The following AUTS2 variants were observed in gnomAD, a reference collection of about 807,000 sequenced individuals.
The protein encoded by AUTS2 is autism susceptibility gene 2 protein.
A neutral mutation model predicts 112.4 loss-of-function variants in AUTS2; 17 were observed. That is an observed-to-expected ratio of 0.15 (90% CI 0.10 to 0.23). The LOEUF (loss-of-function observed/expected upper bound fraction) is 0.23. AUTS2 is among the 10% of genes least tolerant of loss of function. AUTS2 has a pLI of 1.00. For missense variants in AUTS2, 1,510 were observed against 1,701.6 expected (o/e 0.89, Z 1.98); for synonymous variants, 751 against 702.7 (o/e 1.07, Z -1.09).
At chr7:70,331,611 C>T (rs1790754608) in intron 4 of AUTS2, among the ~76,000 whole-genome samples, 1 of 151,406 alleles carries the variant, frequency 6.6e-6, no homozygotes, top group African/African-American at 2.4e-5. Flanking sequence ...ACATAAAAAG[C>T]TTATCCACCA....
intron 5 of AUTS2, among the ~76,000 whole-genome samples, chr7:70,667,790 A>G (rs1217788456): frequency 6.6e-6 from 1 of 152,244 alleles, no homozygotes; most frequent in Non-Finnish European, 1.5e-5. Context: ...CCAAATTTGT[A>G]AAATCTGAAT....
At chr7:70,307,509 G>A (rs1585000304) in intron 4 of AUTS2, among the ~76,000 whole-genome samples, 1 of 152,324 alleles carries the variant, frequency 6.6e-6, no homozygotes, top group East Asian at 1.9e-4. Context: ...TAGCTAGTGT[G>A]CTCACTAAAG....
rs187825258 is a variant in AUTS2, at chr7:70,182,144, T to C, written c.660+47573T>C. On this transcript the variant is annotated intron_variant, in intron 4 of 18. Transcript: ENST00000342771. ...ATAGTTTTAATCATTACTGTTATTGTCAAAAACATTCAAAGTCTCCCTGTT... is the reference window on the plus strand; with the variant it reads ...ATAGTTTTAATCATTACTGTTATTGCCAAAAACATTCAAAGTCTCCCTGTT... Among the ~76,000 whole-genome samples the C allele has an allele frequency of 2.6e-5, 4 of 152,286 alleles. No individual in the cohort carries two copies. In the East Asian group the frequency reaches 7.7e-4, roughly 29 times the overall value.
At chr7:70,664,192 A>G (rs1807216025) in intron 5 of AUTS2, among the ~76,000 whole-genome samples, 1 of 152,234 alleles carries the variant, frequency 6.6e-6, no homozygotes, top group Non-Finnish European at 1.5e-5. Context: ...TCTTTTCATC[A>G]TTCGAAACCT....
chr7:69,873,890 A>G (rs919314620), intron 1 of AUTS2, among the ~76,000 whole-genome samples: 16 of 152,234 alleles, frequency 1.1e-4, no homozygotes, highest in Non-Finnish European at 2.1e-4. Context: ...ATTGATACTT[A>G]ATACCTATCA....
At chr7:70,176,545 G>T (rs1450987333) in intron 4 of AUTS2, among the ~76,000 whole-genome samples, 1 of 152,142 alleles carries the variant, frequency 6.6e-6, no homozygotes, top group Non-Finnish European at 1.5e-5. Context: ...TGAATATTAG[G>T]AATAATTAAC....
At chr7:70,185,675 T>C (rs1809564418) in intron 4 of AUTS2, among the ~76,000 whole-genome samples, 1 of 152,236 alleles carries the variant, frequency 6.6e-6, no homozygotes, top group African/African-American at 2.4e-5. Flanking sequence ...GATCATATTA[T>C]GATAAGCTTT....
intron 2 of AUTS2, among the ~76,000 whole-genome samples, chr7:70,048,007 G>A (rs922203592): frequency 5.9e-5 from 9 of 152,126 alleles, no homozygotes; most frequent in Non-Finnish European, 1.3e-4. Flanking sequence ...AGAGTGTCTT[G>A]GCTAGAGGCT....
intron 5 of AUTS2, among the ~76,000 whole-genome samples, chr7:70,497,532 T>C (rs1798605892): frequency 6.6e-6 from 1 of 152,240 alleles, no homozygotes; most frequent in Non-Finnish European, 1.5e-5. Flanking sequence ...AGAGCACTGC[T>C]TTATCTTGGA....
chr7:70,646,358 G>A (rs62456781), intron 5 of AUTS2, among the ~76,000 whole-genome samples: 63,330 of 152,044 alleles, frequency 0.42, 13,671 homozygotes, highest in Middle Eastern at 0.5. Flanking sequence ...CTCTGCCTCC[G>A]TCATGTCAGG....
intron 1 of AUTS2, among the ~76,000 whole-genome samples, chr7:69,727,611 A>T (rs890243030): frequency 3.3e-5 from 5 of 152,072 alleles, no homozygotes; most frequent in African/African-American, 1.2e-4. Flanking sequence ...TAAAAAAAAT[A>T]AAAAATCAGT....
At chr7:70,130,663 T>G (rs140350453) in intron 3 of AUTS2, among the ~76,000 whole-genome samples, 184 of 151,578 alleles carry the variant, frequency 1.2e-3, no homozygotes, top group African/African-American at 4.2e-3. Context: ...TTGCAGAGAT[T>G]GCTGGAGCAG....
chr7:69,767,183 T>TC (rs1181437856), intron 1 of AUTS2, among the ~76,000 whole-genome samples: 7 of 151,758 alleles, frequency 4.6e-5, no homozygotes, highest in African/African-American at 1.7e-4. Flanking sequence ...TTTGTCATCG[T>TC]CTTTTTTTTT....
chr7:70,128,688 G>T (rs1196218653), intron 3 of AUTS2, among the ~76,000 whole-genome samples: 3 of 152,208 alleles, frequency 2.0e-5, no homozygotes, highest in Admixed American at 2.0e-4. Flanking sequence ...AGGAGGCTGG[G>T]TGTTGTATTA....
At chr7:70,713,081 A>G (rs566787471) in intron 6 of AUTS2, among the ~76,000 whole-genome samples, 13 of 152,304 alleles carry the variant, frequency 8.5e-5, no homozygotes, top group African/African-American at 2.9e-4. Flanking sequence ...TCATCTGAAT[A>G]GAGTTTGAAA....
At chr7:69,729,419 A>C (rs367584534) in intron 1 of AUTS2, among the ~76,000 whole-genome samples, 9,022 of 60,170 alleles carry the variant, frequency 0.15, 1 homozygote, top group Admixed American at 0.18. Context: ...GTCCCCCAAC[A>C]CCCCCCCCCC....
At chr7:69,986,824 A>G (rs528766135) in intron 2 of AUTS2, among the ~76,000 whole-genome samples, 4 of 152,348 alleles carry the variant, frequency 2.6e-5, no homozygotes, top group African/African-American at 7.2e-5. Flanking sequence ...TCTGATTTCA[A>G]AGTGAGAAAC....
chr7:70,729,975 C>T (rs546098529), intron 6 of AUTS2, among the ~76,000 whole-genome samples: 15 of 152,096 alleles, frequency 9.9e-5, no homozygotes, highest in African/African-American at 2.4e-4. Context: ...CTCCGCCTCC[C>T]GGGTTGAAGT....
intron 4 of AUTS2, among the ~76,000 whole-genome samples, chr7:70,422,496 G>T (rs1347565627): frequency 6.6e-6 from 1 of 152,202 alleles, no homozygotes; most frequent in East Asian, 1.9e-4. Context: ...ATCCATGTCA[G>T]CCAGGCATAG....
Sources: allele counts gnomAD v4.1 joint callset (sites outside exome capture counted in the v4.1 genomes callset), GRCh38; gene constraint gnomAD v4.1.1; transcripts MANE v1.5; gene names NCBI Gene and HGNC (gene_info 2026-07-23, HGNC 2026-07-21).